AUTS2: variants seen among roughly 807,000 people sequenced by gnomAD.
The protein encoded by AUTS2 is autism susceptibility gene 2 protein.
In AUTS2, 17 loss-of-function variants were observed where a neutral mutation model predicts 112.4. The observed-to-expected ratio is 0.15, with a 90% CI of 0.10 to 0.23. The LOEUF (loss-of-function observed/expected upper bound fraction) is 0.23. AUTS2 is among the 10% of genes least tolerant of loss of function. The pLI is 1.00. For synonymous variants in AUTS2, 751 were observed against 702.7 expected (o/e 1.07, Z -1.09); for missense variants, 1,510 against 1,701.6 (o/e 0.89, Z 1.98).
chr7:69,927,865 C>T (rs1020356514), intron 2 of AUTS2, among the ~76,000 whole-genome samples: 16 of 152,182 alleles, frequency 1.1e-4, no homozygotes, highest in Admixed American at 4.6e-4. Context: ...GTGCAGAGAC[C>T]GCCAGGAACC....
At chr7:69,803,347 G>C (rs929573107) in intron 1 of AUTS2, among the ~76,000 whole-genome samples, 2 of 152,130 alleles carry the variant, frequency 1.3e-5, no homozygotes, top group African/African-American at 4.8e-5. Context: ...GACTGTGCAT[G>C]TGCCAGTGGG....
chr7:70,449,445 G>A (rs1318543934), intron 5 of AUTS2, among the ~76,000 whole-genome samples: 5 of 151,214 alleles, frequency 3.3e-5, no homozygotes, highest in African/African-American at 7.4e-5. Context: ...GTAGAGAGAC[G>A]GGACCATGTT....
chr7:69,732,429 C>T (rs1181217490), intron 1 of AUTS2, among the ~76,000 whole-genome samples: 3 of 151,082 alleles, frequency 2.0e-5, no homozygotes, highest in Non-Finnish European at 3.0e-5. Flanking sequence ...GAGGAGTGTG[C>T]GTGAGGTGTG....
intron 5 of AUTS2, among the ~76,000 whole-genome samples, chr7:70,502,534 C>A (rs550650331): frequency 6.6e-6 from 1 of 152,144 alleles, no homozygotes; most frequent in East Asian, 1.9e-4. Flanking sequence ...CTTTTGCCCA[C>A]CGCTTCCAGT....
At chr7:70,774,374 A>ATAGTT (rs1790555067) in intron 12 of AUTS2, 2 of 417,896 alleles carry the variant, frequency 4.8e-6, no homozygotes, top group East Asian at 7.6e-5. Context: ...GTCAGCTTGT[A>ATAGTT]TAGTTTTTAC....
intron 1 of AUTS2, among the ~76,000 whole-genome samples, chr7:69,875,676 T>G (rs1793698469): frequency 6.6e-6 from 1 of 152,218 alleles, no homozygotes; most frequent in Non-Finnish European, 1.5e-5. Flanking sequence ...AGTATCATTT[T>G]AGGAAGCACA....
chr7:70,647,281 G>A (rs901391517), intron 5 of AUTS2, among the ~76,000 whole-genome samples: 1 of 152,156 alleles, frequency 6.6e-6, no homozygotes, highest in Non-Finnish European at 1.5e-5. Context: ...ACTAGACACA[G>A]TGAGAAACGC....
intron 5 of AUTS2, among the ~76,000 whole-genome samples, chr7:70,616,131 C>T (rs1169142698): frequency 6.6e-6 from 1 of 152,224 alleles, no homozygotes; most frequent in East Asian, 1.9e-4. Flanking sequence ...TTCTGTACAT[C>T]TTCTTCAGAT....
chr7:69,844,659 A>C (rs1031291754), intron 1 of AUTS2, among the ~76,000 whole-genome samples: 5 of 152,186 alleles, frequency 3.3e-5, no homozygotes, highest in African/African-American at 1.2e-4. Context: ...ACTAAGTGAA[A>C]CACTCAGGGT....
intron 1 of AUTS2, among the ~76,000 whole-genome samples, chr7:69,883,792 A>G (rs926475421): frequency 2.0e-5 from 3 of 152,232 alleles, no homozygotes; most frequent in African/African-American, 7.2e-5. Context: ...CAGGTCCTGC[A>G]GAGCTGTTCT....
At chr7:70,173,930 G>T (rs528426552) in intron 4 of AUTS2, among the ~76,000 whole-genome samples, 52 of 152,024 alleles carry the variant, frequency 3.4e-4, no homozygotes, top group African/African-American at 1.2e-3. Context: ...ATTGAAATTA[G>T]GTCAGTTAAT....
At chr7:70,606,254 C>T (rs776858734) in intron 5 of AUTS2, among the ~76,000 whole-genome samples, 2 of 152,216 alleles carry the variant, frequency 1.3e-5, no homozygotes, top group Non-Finnish European at 2.9e-5. Context: ...AGGAATTCTA[C>T]TTGAAGCCTA....
At chr7:70,082,397 C>T (rs1394628304) in intron 2 of AUTS2, among the ~76,000 whole-genome samples, 1 of 152,166 alleles carries the variant, frequency 6.6e-6, no homozygotes, top group Non-Finnish European at 1.5e-5. Context: ...GATCACATGT[C>T]TCCCTAGAGG....
chr7:70,211,985 CAAAGA>C (rs1810931724), intron 4 of AUTS2, among the ~76,000 whole-genome samples: 1 of 152,158 alleles, frequency 6.6e-6, no homozygotes, highest in Non-Finnish European at 1.5e-5. Context: ...GACTCCGTCT[CAAAGA>C]GAGAGAGAGA....
intron 2 of AUTS2, among the ~76,000 whole-genome samples, chr7:70,068,482 C>T (rs1010753872): frequency 1.3e-5 from 2 of 152,064 alleles, no homozygotes; most frequent in South Asian, 4.2e-4. Context: ...CTGTGCCCGG[C>T]CATAAGTAGA....
chr7:70,347,608 C>T (rs1418839060), intron 4 of AUTS2, among the ~76,000 whole-genome samples: 1 of 152,198 alleles, frequency 6.6e-6, no homozygotes, highest in South Asian at 2.1e-4. Flanking sequence ...ACACTTCCCC[C>T]TCTTAGATGC....
At chr7:70,381,218 G>T (rs939086367) in intron 4 of AUTS2, among the ~76,000 whole-genome samples, 1 of 152,132 alleles carries the variant, frequency 6.6e-6, no homozygotes, top group Non-Finnish European at 1.5e-5. Context: ...ATATTCACAA[G>T]ATAAAGAAGA....
At chr7:69,952,127 C>G (rs1207324223) in intron 2 of AUTS2, among the ~76,000 whole-genome samples, 1 of 151,874 alleles carries the variant, frequency 6.6e-6, no homozygotes, top group African/African-American at 2.4e-5. Flanking sequence ...AGTTTTCTCT[C>G]AAGGGCTAAT....
intron 1 of AUTS2, among the ~76,000 whole-genome samples, chr7:69,659,796 C>T (rs910275613): frequency 1.3e-5 from 2 of 152,028 alleles, no homozygotes; most frequent in African/African-American, 4.8e-5. Context: ...CAGCCTAAAG[C>T]CATACTTCAC....
Sources: gnomAD v4.1 joint callset for allele counts (sites outside exome capture counted in the v4.1 genomes callset) on GRCh38, gnomAD v4.1.1 for gene constraint, MANE v1.5 for transcripts, NCBI Gene and HGNC (gene_info 2026-07-23, HGNC 2026-07-21) for gene names.